CDH10: variants seen among roughly 807,000 people sequenced by gnomAD.
CDH10 encodes the protein cadherin 10.
CDH10 carries 30 observed loss-of-function variants against 73.1 expected under a neutral mutation model. That is an observed-to-expected ratio of 0.41 (90% confidence interval 0.31 to 0.56). CDH10 has a LOEUF of 0.56. Ranked by LOEUF, CDH10 falls within the 20% of genes least tolerant of loss-of-function variation. The pLI, the probability that CDH10 is intolerant of heterozygous loss-of-function variation, is 0.27. For missense variants in CDH10, 815 were observed against 973.7 expected (o/e 0.84, Z 2.17); for synonymous variants, 345 against 348.2 (o/e 0.99, Z 0.10).
At chr5:24,583,537 T>C (rs981688087) in intron 2 of CDH10, among the ~76,000 whole-genome samples, 7 of 152,188 alleles carry the variant, frequency 4.6e-5, no homozygotes, top group Non-Finnish European at 1.0e-4. Context: ...AATCTTAGTT[T>C]TGTACTTAAC....
chr5:24,490,788 G>A (rs1742025899), intron 11 of CDH10, among the ~76,000 whole-genome samples: 1 of 152,048 alleles, frequency 6.6e-6, no homozygotes, highest in South Asian at 2.1e-4. Flanking sequence ...TGTTAAAGTT[G>A]TATTTAACTT....
chr5:24,625,714 T>C lies in CDH10; in HGVS notation c.-124+18880A>G, dbSNP rs144773350. ...CCTTCTAGGTGTACAGTTTAGATTT[T>C]GGTACATGGTTTTAGGTTTTGGTAC... is the stretch of plus-strand genomic sequence containing the variant. On this transcript the variant is annotated intron_variant, in intron 1 of 11. Coordinates refer to ENST00000264463, the MANE Select transcript of CDH10 (RefSeq NM_006727.5). Among the ~76,000 whole-genome samples, 1,012 of 151,470 alleles carry C rather than the reference T, an allele frequency of 6.7e-3. 4 individuals carry two copies. The highest frequency in any genetic ancestry group is 0.02 in the Middle Eastern group (6 of 294).
intron 5 of CDH10, among the ~76,000 whole-genome samples, chr5:24,531,073 A>G (rs967290647): frequency 6.6e-6 from 1 of 151,836 alleles, no homozygotes; most frequent in African/African-American, 2.4e-5. Context: ...TCAATTTCCA[A>G]CCTCAGGATT....
intron 5 of CDH10, among the ~76,000 whole-genome samples, chr5:24,529,814 C>G (rs1044465887): frequency 6.6e-6 from 1 of 151,784 alleles, no homozygotes; most frequent in Non-Finnish European, 1.5e-5. Context: ...TCCATGACTT[C>G]TATTTGTCAA....
intron 2 of CDH10, among the ~76,000 whole-genome samples, chr5:24,566,601 A>T (rs1303520414): frequency 6.6e-6 from 1 of 152,166 alleles, no homozygotes; most frequent in Non-Finnish European, 1.5e-5. Context: ...CATTTCAATG[A>T]GGACAGGAAA....
intron 1 of CDH10, among the ~76,000 whole-genome samples, chr5:24,642,340 T>C (rs1462388132): frequency 6.6e-6 from 1 of 152,128 alleles, no homozygotes; most frequent in Non-Finnish European, 1.5e-5. Context: ...AGATAGTATA[T>C]ACTTTGCCTC....
intron 5 of CDH10, among the ~76,000 whole-genome samples, chr5:24,518,836 T>A (rs979343014): frequency 5.3e-5 from 8 of 151,870 alleles, no homozygotes; most frequent in Non-Finnish European, 1.0e-4. Flanking sequence ...GATGGTAATT[T>A]CTAAGTTTAT....
intron 2 of CDH10, among the ~76,000 whole-genome samples, chr5:24,551,139 T>C (rs1744526817): frequency 6.6e-6 from 1 of 152,186 alleles, no homozygotes; most frequent in Non-Finnish European, 1.5e-5. Flanking sequence ...TCTTAAGCCA[T>C]ATAAGCCTAA....
chr5:24,589,639 G>C (rs1281476473), intron 2 of CDH10, among the ~76,000 whole-genome samples: 1 of 151,848 alleles, frequency 6.6e-6, no homozygotes, highest in Non-Finnish European at 1.5e-5. Context: ...GATTTGCTTA[G>C]AACTGCATAT....
rs146729667 is a variant in CDH10, at chr5:24,629,972, A to G, written c.-124+14622T>C. On this transcript the variant is annotated intron_variant, in intron 1 of 11. Transcript: ENST00000264463. Reference sequence around the variant, plus strand: ...TCTTTCAATTACTCAATGTTAGTATACCTGTCTGTAAAATGCAAACCATAA... The same window carrying G: ...TCTTTCAATTACTCAATGTTAGTATGCCTGTCTGTAAAATGCAAACCATAA... Among the ~76,000 whole-genome samples, 634 of 152,250 alleles carry G rather than the reference A, an allele frequency of 4.2e-3. 2 individuals carry two copies. The highest frequency in any genetic ancestry group is 6.9e-3 in the Non-Finnish European group (466 of 68,012).
At chr5:24,495,845 T>C (rs1742262497) in intron 9 of CDH10, among the ~76,000 whole-genome samples, 2 of 138,314 alleles carry the variant, frequency 1.4e-5, no homozygotes, top group African/African-American at 5.7e-5. Context: ...ACAGGGAGCA[T>C]CTTCCTCAAA....
chr5:24,501,593 G>A (rs2111704664), intron 8 of CDH10, among the ~76,000 whole-genome samples: 1 of 152,302 alleles, frequency 6.6e-6, no homozygotes, highest in South Asian at 2.1e-4. Flanking sequence ...CTAAGGTGAA[G>A]CCATGACGAT....
rs2111767038 is a variant in CDH10 at position 24,511,487 on chromosome 5, G to A, written c.842C>T (p.Ser281Phe). 4.4e-6 allele frequency: 7 copies of A among 1,575,414 alleles called. No individual in the cohort carries two copies. The highest frequency in any genetic ancestry group is 6.1e-6 in the Non-Finnish European group (7 of 1,152,758). ...QNTIHLRVLE[S>F]SPVGTAIGSV... ...TCCAATGGCTGTGCCAACTGGGGAG[G>A]ATTCAAGAACTCGAAGATGAATAGT... The change falls in exon 6 of 12, where the codon TCC becomes TTC. Residue 281 changes from serine (S) to phenylalanine (F), a missense_variant. Transcript: ENST00000264463.
rs139227685 is a variant in CDH10, at chr5:24,584,761, G to A, written c.231+8499C>T. 3.5e-4 allele frequency among the ~76,000 whole-genome samples: 53 copies of A among 151,604 alleles called. 1 individual carries two copies. The East Asian group carries it at 6.3e-3, about 18-fold the overall frequency. ...TGGGATTACAGGTGTGAGCTACCGT[G>A]CCCGACCTCACATCCCTTTTTACTA... is the stretch of plus-strand genomic sequence containing the variant. On this transcript the variant is annotated intron_variant, in intron 2 of 11. Transcript: ENST00000264463.
chr5:24,595,219 G>C (rs1746330293), intron 1 of CDH10, among the ~76,000 whole-genome samples: 1 of 151,810 alleles, frequency 6.6e-6, no homozygotes, highest in South Asian at 2.1e-4. Flanking sequence ...CAAAAGGATT[G>C]AGTTTCACTT....
intron 1 of CDH10, among the ~76,000 whole-genome samples, chr5:24,615,154 A>G (rs1747086127): frequency 6.6e-6 from 1 of 152,222 alleles, no homozygotes; most frequent in Non-Finnish European, 1.5e-5. Context: ...TTGATCAAGT[A>G]TCATCTGGCA....
At chr5:24,560,905 A>C (rs1430317627) in intron 2 of CDH10, among the ~76,000 whole-genome samples, 2 of 152,124 alleles carry the variant, frequency 1.3e-5, no homozygotes, top group Admixed American at 1.3e-4. Context: ...AAATAATCCA[A>C]ATTTCCTGAT....
chr5:24,577,944 G>A (rs1745662047), intron 2 of CDH10, among the ~76,000 whole-genome samples: 4 of 152,126 alleles, frequency 2.6e-5, no homozygotes, highest in African/African-American at 9.7e-5. Flanking sequence ...AATTCCATAT[G>A]CTAACCCATA....
At chr5:24,512,766 G>A (rs929724225) in intron 5 of CDH10, among the ~76,000 whole-genome samples, 8 of 152,098 alleles carry the variant, frequency 5.3e-5, no homozygotes, top group Admixed American at 3.9e-4. Flanking sequence ...TCAACCTCAA[G>A]TACACTCTGA....
Sources: gnomAD v4.1 joint callset for allele counts (sites outside exome capture counted in the v4.1 genomes callset) on GRCh38, gnomAD v4.1.1 for gene constraint, MANE v1.5 for transcripts, NCBI Gene and HGNC (gene_info 2026-07-23, HGNC 2026-07-21) for gene names.